DLG2: variants seen among roughly 807,000 people sequenced by gnomAD.
DLG2 encodes discs large MAGUK scaffold protein 2.
A neutral mutation model predicts 132.5 loss-of-function variants in DLG2; 45 were observed. That is an observed-to-expected ratio of 0.34 (90% CI 0.27 to 0.44). DLG2 has a LOEUF of 0.44. Among genes scored for constraint, DLG2 ranks in the 20% least tolerant of loss-of-function variants. The probability of loss-of-function intolerance (pLI) is 1.00; values close to 1 mark genes in which losing one functional copy is unlikely to be tolerated. For synonymous variants in DLG2, 424 were observed against 419.6 expected (o/e 1.01, Z -0.13); for missense variants, 1,045 against 1,196.9 (o/e 0.87, Z 1.87).
chr11:83,946,071 C>A (rs1262799757), intron 14 of DLG2, among the ~76,000 whole-genome samples: 2 of 150,678 alleles, frequency 1.3e-5, no homozygotes, highest in African/African-American at 4.9e-5. Context: ...CTCACCGCAA[C>A]CTCTGACTCC....
intron 17 of DLG2, among the ~76,000 whole-genome samples, chr11:83,827,337 A>G (rs1049082349): frequency 2.0e-5 from 3 of 152,148 alleles, no homozygotes; most frequent in Non-Finnish European, 2.9e-5. Context: ...TAACTTGAAA[A>G]TAGAGTCCTG....
chr11:85,452,749 G>A (rs1415995465), intron 3 of DLG2: 1 of 154,690 alleles, frequency 6.5e-6, no homozygotes, highest in East Asian at 1.9e-4. Flanking sequence ...GAAGATATCA[G>A]GTTGTTTGTT....
At chr11:84,329,318 A>G (rs71469645) in intron 7 of DLG2, among the ~76,000 whole-genome samples, 22,182 of 152,178 alleles carry the variant, frequency 0.15, 1,772 homozygotes, top group African/African-American at 0.2. Flanking sequence ...CTATGTCTCC[A>G]CCAAATCTCA....
In DLG2 at chr11:85,552,429, C is replaced by G. The variant is rs913305445; in HGVS notation, c.40+46228G>C. On this transcript the variant is annotated intron_variant, in intron 3 of 27. Transcript: ENST00000376104. ...AAATCACCTGAGGACTTTTCACTTA[C>G]CAAAAGGGAGTATCAGTAGACACAA... 6.6e-5 allele frequency among the ~76,000 whole-genome samples: 10 copies of G among 151,352 alleles called. 1 individual carries two copies. Among genetic ancestry groups the G allele is most frequent in the Admixed American group, 6.6e-4 (10 of 15,162 alleles).
At chr11:83,638,019 A>G (rs2065305390) in intron 18 of DLG2, among the ~76,000 whole-genome samples, 1 of 152,164 alleles carries the variant, frequency 6.6e-6, no homozygotes. Flanking sequence ...TGTTTGGTAA[A>G]TGCTTTTTAA....
chr11:85,189,038 C>T (rs997008475), intron 4 of DLG2, among the ~76,000 whole-genome samples: 4 of 152,050 alleles, frequency 2.6e-5, no homozygotes, highest in Non-Finnish European at 5.9e-5. Flanking sequence ...CATCTAAATA[C>T]ATCACAGAAA....
chr11:84,027,634 G>C (rs1194203444), intron 11 of DLG2, among the ~76,000 whole-genome samples: 2 of 151,902 alleles, frequency 1.3e-5, no homozygotes, highest in African/African-American at 4.8e-5. Flanking sequence ...CATGCATCGG[G>C]AGAAACACCT....
At chr11:84,522,398 G>A (rs1157305384) in intron 7 of DLG2, among the ~76,000 whole-genome samples, 2 of 152,116 alleles carry the variant, frequency 1.3e-5, no homozygotes, top group Non-Finnish European at 1.5e-5. Context: ...TGGGAGGTGG[G>A]GAGTTGTTCT....
chr11:84,913,379 C>T (rs1334717730), intron 6 of DLG2, among the ~76,000 whole-genome samples: 1 of 152,168 alleles, frequency 6.6e-6, no homozygotes, highest in African/African-American at 2.4e-5. Context: ...TTTTTCCCAA[C>T]TGCATCTCAT....
chr11:83,577,691 T>C (rs1389312439), intron 19 of DLG2, among the ~76,000 whole-genome samples: 1 of 126,274 alleles, frequency 7.9e-6, no homozygotes, highest in African/African-American at 3.0e-5. Flanking sequence ...TATCCTATAA[T>C]AAATAGGATA....
At chr11:83,499,664 G>A (rs928021692) in intron 21 of DLG2, among the ~76,000 whole-genome samples, 2 of 149,966 alleles carry the variant, frequency 1.3e-5, no homozygotes, top group Admixed American at 1.3e-4. Context: ...TCGAACATCA[G>A]ACTCAAAGTT....
At chr11:85,503,864 T>A (rs974834751) in intron 3 of DLG2, among the ~76,000 whole-genome samples, 5 of 152,088 alleles carry the variant, frequency 3.3e-5, no homozygotes, top group Non-Finnish European at 7.4e-5. Flanking sequence ...CCCTGGAGAT[T>A]GAGGCTGCAG....
At chr11:84,274,103 G>A (rs1020422669) in intron 7 of DLG2, among the ~76,000 whole-genome samples, 7 of 152,050 alleles carry the variant, frequency 4.6e-5, no homozygotes, top group Admixed American at 1.3e-4. Flanking sequence ...TGTGCACTTC[G>A]ACAACAAAAA....
chr11:85,600,400 T>C (rs191635417), intron 2 of DLG2, among the ~76,000 whole-genome samples: 1 of 152,312 alleles, frequency 6.6e-6, no homozygotes, highest in East Asian at 1.9e-4. Flanking sequence ...TCACTAGGCT[T>C]CCACACAGGT....
rs545598094 is a variant in DLG2 at position 84,457,788 on chromosome 11, A to C, written c.519+76782T>G. 7.3e-5 allele frequency among the ~76,000 whole-genome samples: 11 copies of C among 151,160 alleles called. No individual in the cohort carries two copies. The East Asian group carries it at 2.1e-3, about 29-fold the overall frequency. On this transcript the variant is annotated intron_variant, in intron 7 of 27. Transcript: ENST00000376104. ...ATTTTCCAAAGTTATATTTATAATT[A>C]AATTCGTGCAAAATTGATTAAATAC... is the stretch of plus-strand genomic sequence containing the variant.
At chr11:85,387,359 T>C (rs1297308251) in intron 3 of DLG2, among the ~76,000 whole-genome samples, 1 of 152,226 alleles carries the variant, frequency 6.6e-6, no homozygotes, top group African/African-American at 2.4e-5. Flanking sequence ...TATTAACTTG[T>C]ATGAAAAGCA....
At chr11:85,471,765 G>A (rs534584196) in intron 3 of DLG2, among the ~76,000 whole-genome samples, 111 of 152,222 alleles carry the variant, frequency 7.3e-4, no homozygotes, top group African/African-American at 2.6e-3. Context: ...GCAACAATAT[G>A]AGAGAAGCAA....
chr11:84,847,600 C>G (rs2081638421), intron 6 of DLG2, among the ~76,000 whole-genome samples: 1 of 152,092 alleles, frequency 6.6e-6, no homozygotes, highest in Non-Finnish European at 1.5e-5. Context: ...CTTTGCCAGA[C>G]CAGCAGAAGA....
chr11:83,920,138 C>T (rs894556855), intron 15 of DLG2, among the ~76,000 whole-genome samples: 1 of 152,100 alleles, frequency 6.6e-6, no homozygotes, highest in Non-Finnish European at 1.5e-5. Context: ...GCCCAGTGTA[C>T]CCTCTCCTTT....
Sources: allele counts gnomAD v4.1 joint callset (sites outside exome capture counted in the v4.1 genomes callset), GRCh38; gene constraint gnomAD v4.1.1; transcripts MANE v1.5; gene names NCBI Gene and HGNC (gene_info 2026-07-23, HGNC 2026-07-21).